The following CACNA2D1 variants were observed in gnomAD, a reference collection of about 807,000 sequenced individuals.
CACNA2D1 encodes the protein voltage-dependent calcium channel subunit alpha-2/delta-1.
A neutral mutation model predicts 171.5 loss-of-function variants in CACNA2D1; 53 were observed. That is an observed-to-expected ratio of 0.31 (90% CI 0.25 to 0.39). The LOEUF (loss-of-function observed/expected upper bound fraction) is 0.39, where lower values mean the gene tolerates loss of function less well. Among genes scored for constraint, CACNA2D1 ranks in the 10% least tolerant of loss-of-function variants. The pLI, the probability that CACNA2D1 is intolerant of heterozygous loss-of-function variation, is 1.00. For missense variants in CACNA2D1, 903 were observed against 1,299.8 expected, an observed-to-expected ratio of 0.69 and a Z score of 4.69; for synonymous variants, 442 against 443.1, an observed-to-expected ratio of 1.00 and a Z score of 0.03.
chr7:82,074,558 C>A (rs946719931), intron 7 of CACNA2D1, among the ~76,000 whole-genome samples: 2 of 152,056 alleles, frequency 1.3e-5, no homozygotes, highest in African/African-American at 4.8e-5. Flanking sequence ...ATTTTACTAG[C>A]ACTTTGTTTG....
At chr7:82,251,209 A>T (rs556423160) in intron 3 of CACNA2D1, among the ~76,000 whole-genome samples, 1 of 152,160 alleles carries the variant, frequency 6.6e-6, no homozygotes, top group Admixed American at 6.5e-5. Context: ...TGCCACTTGT[A>T]TAATTTCCAC....
intron 6 of CACNA2D1, among the ~76,000 whole-genome samples, chr7:82,097,466 G>A (rs1812029114): frequency 6.6e-6 from 1 of 151,988 alleles, no homozygotes; most frequent in Admixed American, 6.6e-5. Context: ...AAAAGATGTT[G>A]AGAAAAAATC....
intron 1 of CACNA2D1, among the ~76,000 whole-genome samples, chr7:82,385,384 T>TACAAATGTCTTCCACTGATGCTC (rs1824219114): frequency 6.6e-6 from 1 of 152,212 alleles, no homozygotes; most frequent in Non-Finnish European, 1.5e-5. Context: ...CCCTGATGCT[T>TACAAATGTCTTCCACTGATGCTC]ACAAATGTCT....
intron 1 of CACNA2D1, among the ~76,000 whole-genome samples, chr7:82,437,360 TAGAC>T (rs1261689294): frequency 6.6e-6 from 1 of 152,084 alleles, no homozygotes; most frequent in Non-Finnish European, 1.5e-5. Flanking sequence ...GAGCTTCAAA[TAGAC>T]AGTAAGATTA....
At chr7:82,183,750 T>C (rs572526162) in intron 3 of CACNA2D1, among the ~76,000 whole-genome samples, 24 of 152,174 alleles carry the variant, frequency 1.6e-4, no homozygotes, top group African/African-American at 5.5e-4. Context: ...TTTTATTTTA[T>C]GGAAGGTCTA....
chr7:82,089,089 G>T (rs893857260), intron 6 of CACNA2D1, among the ~76,000 whole-genome samples: 2 of 152,122 alleles, frequency 1.3e-5, no homozygotes, highest in Admixed American at 1.3e-4. Flanking sequence ...CATGGCCCAG[G>T]GGCTGGGGAC....
rs183899189 is a variant in CACNA2D1, at chr7:82,082,627, C to G, written c.658+2142G>C. 1.1e-4 allele frequency among the ~76,000 whole-genome samples: 16 copies of G among 151,622 alleles called. No homozygotes were observed. In the East Asian group the frequency reaches 3.0e-3, roughly 28 times the overall value. On this transcript the variant is annotated intron_variant, in intron 7 of 38. Coordinates refer to ENST00000356860, the MANE Select transcript of CACNA2D1 (RefSeq NM_000722.4). ...TCAAACAAGAAGGGAGGTTCTCAAT[C>G]TGGTCTGAGGATTTACCCAGGACTT...
chr7:82,274,380 A>C (rs2129356756), intron 3 of CACNA2D1, among the ~76,000 whole-genome samples: 1 of 152,320 alleles, frequency 6.6e-6, no homozygotes, highest in Admixed American at 6.5e-5. Context: ...TAAACATAAA[A>C]TTACCATCTG....
chr7:82,075,532 C>T (rs956385753), intron 7 of CACNA2D1, among the ~76,000 whole-genome samples: 7 of 152,078 alleles, frequency 4.6e-5, no homozygotes, highest in African/African-American at 7.2e-5. Context: ...CAGACAAAAA[C>T]GTGAAGTCTG....
intron 3 of CACNA2D1, among the ~76,000 whole-genome samples, chr7:82,288,107 T>C (rs1160021343): frequency 6.6e-6 from 1 of 151,930 alleles, no homozygotes. Context: ...CCCAAAGTGC[T>C]GGGATTACAG....
chr7:82,275,026 G>GA (rs151270455), intron 3 of CACNA2D1, among the ~76,000 whole-genome samples: 42,616 of 151,924 alleles, frequency 0.28, 6,779 homozygotes, highest in Non-Finnish European at 0.36. Context: ...TATACTGAGT[G>GA]AAAATTATTT....
chr7:82,155,543 C>A (rs144154353), intron 4 of CACNA2D1, among the ~76,000 whole-genome samples: 141 of 152,188 alleles, frequency 9.3e-4, no homozygotes, highest in Non-Finnish European at 1.8e-3. Flanking sequence ...ACAAGCATAT[C>A]TAACTATAAG....
chr7:82,180,857 A>G (rs76064818), intron 3 of CACNA2D1, among the ~76,000 whole-genome samples: 6,414 of 151,754 alleles, frequency 0.042, 474 homozygotes, highest in African/African-American at 0.15. Context: ...AAATAGAGAC[A>G]GAGACAGGCA....
intron 38 of CACNA2D1, among the ~76,000 whole-genome samples, chr7:81,954,143 A>AACTC (rs1289563684): frequency 6.6e-6 from 1 of 152,098 alleles, no homozygotes; most frequent in African/African-American, 2.4e-5. Flanking sequence ...ATGTGGGAGG[A>AACTC]ACTCAGCATT....
intron 3 of CACNA2D1, among the ~76,000 whole-genome samples, chr7:82,181,549 A>G (rs1178598136): frequency 1.3e-5 from 2 of 152,230 alleles, no homozygotes; most frequent in African/African-American, 4.8e-5. Context: ...ACAAACATCC[A>G]GGTTATTCTA....
rs1585608149 is a variant in CACNA2D1, at chr7:82,350,339, C to T, written c.96-690G>A. Reference sequence around the variant, plus strand: ...CTTTTAACCACTACATACTACACCACCACAAATATCTTAGAGCCTGAAGCT... The same window carrying T: ...CTTTTAACCACTACATACTACACCATCACAAATATCTTAGAGCCTGAAGCT... On this transcript the variant is annotated intron_variant, in intron 1 of 38. Transcript: ENST00000356860. 2.0e-5 allele frequency among the ~76,000 whole-genome samples: 3 copies of T among 152,292 alleles called. No homozygotes were observed. The East Asian group carries it at 5.8e-4, about 29-fold the overall frequency.
At chr7:82,049,291 A>C (rs966961822) in intron 10 of CACNA2D1, among the ~76,000 whole-genome samples, 1 of 152,256 alleles carries the variant, frequency 6.6e-6, no homozygotes, top group Non-Finnish European at 1.5e-5. Context: ...ACCTAAAAAA[A>C]GTGCATAAGA....
intron 3 of CACNA2D1, among the ~76,000 whole-genome samples, chr7:82,273,583 C>A (rs1808920309): frequency 6.6e-6 from 1 of 152,074 alleles, no homozygotes; most frequent in South Asian, 2.1e-4. Context: ...GAACTCCTGG[C>A]CTCAAGTGAT....
intron 7 of CACNA2D1, among the ~76,000 whole-genome samples, chr7:82,072,750 G>A (rs1440718110): frequency 2.6e-5 from 4 of 151,828 alleles, no homozygotes; most frequent in African/African-American, 9.7e-5. Context: ...CAGCCTACCT[G>A]GATTTTTCAC....
Sources: gnomAD v4.1 joint callset for allele counts (sites outside exome capture counted in the v4.1 genomes callset) on GRCh38, gnomAD v4.1.1 for gene constraint, MANE v1.5 for transcripts, NCBI Gene and HGNC (gene_info 2026-07-23, HGNC 2026-07-21) for gene names.